The following UGT1A9 variants were observed in gnomAD, a reference collection of about 807,000 sequenced individuals.
UGT1A9 encodes UDP-glucuronosyltransferase 1A9.
Under a neutral mutation model 45.0 loss-of-function variants are expected in UGT1A9, and 35 were observed. The ratio of observed to expected loss-of-function variants is 0.78; its 90% CI spans 0.59 to 1.03. UGT1A9 has a LOEUF of 1.03. Among genes scored for constraint, UGT1A9 ranks in the 50% least tolerant of loss-of-function variants. The pLI is 0.00. For missense variants in UGT1A9, 687 were observed against 666.6 expected (o/e 1.03, Z -0.34); for synonymous variants, 278 against 250.6 (o/e 1.11, Z -1.03).
At chr2:233,678,216 C>G (rs1460617263) in intron 1 of UGT1A9, among the ~76,000 whole-genome samples, 1 of 152,192 alleles carries the variant, frequency 6.6e-6, no homozygotes, top group Non-Finnish European at 1.5e-5. Flanking sequence ...GTACTATGCT[C>G]AGTACTTGGG....
intron 1 of UGT1A9, chr2:233,747,623 G>T: frequency 6.3e-7 from 1 of 1,577,752 alleles, no homozygotes; most frequent in Admixed American, 1.7e-5. Context: ...ATGAGGCCCT[G>T]ATCAGGCACC....
Position 233,754,885 on chromosome 2 carries a change from A to G in UGT1A9, c.856-12149A>G, listed in dbSNP as rs750655652. Reference sequence around the variant, plus strand: ...GACCCTCTGCTTCTGCTTCCCAGGGAGTTCCTCTGACCCCCCAAAATATTC... The same window carrying G: ...GACCCTCTGCTTCTGCTTCCCAGGGGGTTCCTCTGACCCCCCAAAATATTC... On this transcript the variant is annotated intron_variant, in intron 1 of 4. Coordinates refer to ENST00000354728, the MANE Select transcript of UGT1A9 (RefSeq NM_021027.3). The G allele has an allele frequency of 3.0e-6, 4 of 1,350,732 alleles. No individual in the cohort carries two copies. In the African/African-American group the frequency reaches 5.9e-5, roughly 20 times the overall value. 83.7% of individuals were successfully genotyped at this position (1,350,732 alleles called of 1,614,324 possible). A position where few individuals can be genotyped will look rare whatever the true frequency, so the allele number is the denominator to read the frequency against.
rs769029902 is a variant in UGT1A9, at chr2:233,746,869, C to G, written c.856-20165C>G. Among the ~76,000 whole-genome samples, 366 of 151,862 alleles carry G rather than the reference C, an allele frequency of 2.4e-3. 1 individual carries two copies. Among genetic ancestry groups the G allele is most frequent in the Non-Finnish European group, 3.4e-3 (229 of 68,000 alleles). ...CAGACCTCAGCTGCAGCCTGATAAA[C>G]GTGGTTAACAGAGAAGTAGGAGGCT... On this transcript the variant is annotated intron_variant, in intron 1 of 4. Coordinates refer to ENST00000354728, the MANE Select transcript of UGT1A9 (RefSeq NM_021027.3).
intron 1 of UGT1A9, chr2:233,740,664 A>G (rs1345559084): frequency 6.6e-6 from 1 of 151,798 alleles, no homozygotes; most frequent in East Asian, 1.9e-4. Context: ...GTGAGAAGGT[A>G]CAGGTGTTTC....
intron 1 of UGT1A9, among the ~76,000 whole-genome samples, chr2:233,687,412 G>A (rs1423450705): frequency 6.6e-6 from 1 of 151,920 alleles, no homozygotes; most frequent in Non-Finnish European, 1.5e-5. Flanking sequence ...AACATATATT[G>A]GAGGCTTACC....
At chr2:233,763,486 T>C (rs771875689) in intron 1 of UGT1A9, among the ~76,000 whole-genome samples, 1 of 152,218 alleles carries the variant, frequency 6.6e-6, no homozygotes, top group Non-Finnish European at 1.5e-5. Flanking sequence ...TGATTGTAAC[T>C]CTCTCAGTTT....
intron 1 of UGT1A9, among the ~76,000 whole-genome samples, chr2:233,737,953 A>C (rs1429614905): frequency 6.6e-6 from 1 of 152,112 alleles, no homozygotes; most frequent in East Asian, 1.9e-4. Context: ...GTTTCCCAAC[A>C]TGAGGTCACA....
At chr2:233,723,218 T>A (rs573450645) in intron 1 of UGT1A9, among the ~76,000 whole-genome samples, 28 of 123,768 alleles carry the variant, frequency 2.3e-4, no homozygotes, top group Admixed American at 2.1e-3. Context: ...ACTGACTTTT[T>A]TTTTTTTTTT....
intron 1 of UGT1A9, chr2:233,713,396 G>C: frequency 6.2e-7 from 1 of 1,614,032 alleles, no homozygotes; most frequent in East Asian, 2.2e-5. Context: ...TGCATAATGA[G>C]GCCCTGATCA....
chr2:233,693,562 A>C, intron 1 of UGT1A9: 1 of 1,614,236 alleles, frequency 6.2e-7, no homozygotes, highest in Non-Finnish European at 8.5e-7. Flanking sequence ...GCAGAAGCCC[A>C]GACCCTGTGT....
In UGT1A9 at chr2:233,760,344, G is replaced by A. The variant is rs897355036; in HGVS notation, c.856-6690G>A. The stretch of plus-strand genomic sequence containing the variant: ...TTGTCCTGGGCCTGCTGCTGTGTGT[G>A]CTGGGCCCAGTGGTGTCCCATGCTG... On this transcript the variant is annotated intron_variant, in intron 1 of 4. Transcript: ENST00000354728. 5.6e-6 allele frequency: 9 copies of A among 1,613,914 alleles called. No homozygotes were observed. The Admixed American group carries it at 1.3e-4, about 24-fold the overall frequency.
chr2:233,723,516 CTT>C lies in UGT1A9; in HGVS notation c.856-43499_856-43498del, dbSNP rs1162916866. ...TGAGCCACTGCACCTGGTCAACAATCTTTTTTTTTTTTTTTTTTTTAATTTAT... is the reference window on the plus strand; with the variant it reads ...TGAGCCACTGCACCTGGTCAACAATCTTTTTTTTTTTTTTTTTTAATTTAT... On this transcript the variant is annotated intron_variant, in intron 1 of 4. Coordinates refer to ENST00000354728, the MANE Select transcript of UGT1A9 (RefSeq NM_021027.3). Among the ~76,000 whole-genome samples, 162 of 85,388 alleles carry C rather than the reference CTT, an allele frequency of 1.9e-3. 4 individuals are homozygous for C. The highest frequency in any genetic ancestry group is 7.1e-3 in the African/African-American group (146 of 20,564). The allele number at this position is 85,388 out of a possible 152,430, so 56.0% of individuals were successfully genotyped here.
chr2:233,678,644 A>C (rs1282152976), intron 1 of UGT1A9, among the ~76,000 whole-genome samples: 1 of 152,192 alleles, frequency 6.6e-6, no homozygotes, highest in Non-Finnish European at 1.5e-5. Flanking sequence ...AGTCTTAAAT[A>C]ATTGGAAGCA....
intron 1 of UGT1A9, among the ~76,000 whole-genome samples, chr2:233,701,592 A>G (rs2075637577): frequency 1.3e-5 from 2 of 152,202 alleles, no homozygotes; most frequent in South Asian, 4.1e-4. Context: ...ACATAGTTGG[A>G]AGTAAAGCAC....
chr2:233,758,617 T>TGC (rs1696928480), intron 1 of UGT1A9, among the ~76,000 whole-genome samples: 1 of 152,162 alleles, frequency 6.6e-6, no homozygotes, highest in Non-Finnish European at 1.5e-5. Flanking sequence ...TGCATGTGCA[T>TGC]GCAAAGTACC....
At chr2:233,747,651 G>T (rs566750548) in intron 1 of UGT1A9, 4 of 1,588,612 alleles carry the variant, frequency 2.5e-6, no homozygotes, top group African/African-American at 2.7e-5. Flanking sequence ...TACTTCCTTC[G>T]ATGTGGTTTT....
Position 233,769,593 on chromosome 2 carries a change from G to A in UGT1A9, c.1295+1154G>A, listed in dbSNP as rs748291102. The A allele has an allele frequency of 1.9e-5, 30 of 1,612,700 alleles. No homozygotes were observed. The East Asian group carries it at 4.2e-4, about 23-fold the overall frequency. On this transcript the variant is annotated intron_variant, in intron 4 of 4. Coordinates refer to ENST00000354728, the MANE Select transcript of UGT1A9 (RefSeq NM_021027.3). The surrounding 1 kb of genome is among the most constrained non-coding windows in gnomAD (Gnocchi z 4.4). ...GGAGCATGTTCAGATGAGAGGAGAC[G>A]GAACACGGGGACACACCAGCTTGAG... is the stretch of plus-strand genomic sequence containing the variant.
chr2:233,735,436 C>A (rs1234543811), intron 1 of UGT1A9, among the ~76,000 whole-genome samples: 1 of 152,154 alleles, frequency 6.6e-6, no homozygotes, highest in Admixed American at 6.5e-5. Context: ...CTGAATACAG[C>A]ATACCGATGG....
intron 1 of UGT1A9, among the ~76,000 whole-genome samples, chr2:233,727,119 T>C (rs1478640841): frequency 6.6e-6 from 1 of 152,204 alleles, no homozygotes; most frequent in Non-Finnish European, 1.5e-5. Flanking sequence ...GTCTGTGAGA[T>C]TGGCAGAGGG....
Sources: allele counts gnomAD v4.1 joint callset (sites outside exome capture counted in the v4.1 genomes callset), GRCh38; gene constraint gnomAD v4.1.1; non-coding constraint Gnocchi (gnomAD v3.1); transcripts MANE v1.5; gene names NCBI Gene and HGNC (gene_info 2026-07-23, HGNC 2026-07-21).